Variants in DCLK2 observed in about 807,000 individuals in gnomAD.
DCLK2 encodes the protein doublecortin like kinase 2, also known as serine/threonine-protein kinase DCLK2.
DCLK2 carries 31 observed loss-of-function variants against 78.4 expected under a neutral mutation model. The ratio of observed to expected loss-of-function variants is 0.40; its 90% CI spans 0.30 to 0.53. The LOEUF (loss-of-function observed/expected upper bound fraction) is 0.53. DCLK2 is among the 20% of genes least tolerant of loss of function. The probability of loss-of-function intolerance (pLI) is 0.61; values close to 1 mark genes in which losing one functional copy is unlikely to be tolerated. For synonymous variants in DCLK2, 407 were observed against 374.9 expected, an observed-to-expected ratio of 1.09 and a Z score of -0.99; for missense variants, 872 against 973.7, an observed-to-expected ratio of 0.90 and a Z score of 1.39.
intron 15 of DCLK2, chr4:150,253,296 T>A (rs1247041972): frequency 1.6e-6 from 1 of 635,092 alleles, no homozygotes. Flanking sequence ...GTCAACCGTC[T>A]GGAGGTTGAA....
Position 150,239,601 on chromosome 4 carries a change from C to A in DCLK2, c.1567-141C>A, listed in dbSNP as rs560496598. 1,626 of 951,796 alleles carry A rather than the reference C, an allele frequency of 1.7e-3. 25 individuals are homozygous for A. The South Asian group carries it at 0.03, about 18-fold the overall frequency. 59.0% of individuals were successfully genotyped at this position (951,796 alleles called of 1,614,324 possible). ...GGGCAACAAAGCGAGACCGTGTCTT[C>A]AAAAAAAAAAATCACAAGGAGAGAT... On this transcript the variant is annotated intron_variant, in intron 10 of 15. Transcript: ENST00000296550.
intron 2 of DCLK2, among the ~76,000 whole-genome samples, chr4:150,142,255 A>G (rs1003541529): frequency 3.3e-5 from 5 of 152,100 alleles, no homozygotes; most frequent in African/African-American, 1.2e-4. Context: ...ATCTGTCATC[A>G]TTATGTATAT....
intron 5 of DCLK2, among the ~76,000 whole-genome samples, chr4:150,207,217 G>A (rs922127146): frequency 1.3e-5 from 2 of 152,110 alleles, no homozygotes; most frequent in African/African-American, 4.8e-5. Context: ...ACCAAGCCAC[G>A]ACAGCATGTG....
At chr4:150,132,062 G>T (rs1733351700) in intron 2 of DCLK2, among the ~76,000 whole-genome samples, 1 of 152,152 alleles carries the variant, frequency 6.6e-6, no homozygotes, top group South Asian at 2.1e-4. Flanking sequence ...ATAAGCTGTG[G>T]TATCCTTGTG....
intron 8 of DCLK2, among the ~76,000 whole-genome samples, chr4:150,226,174 ATCT>A (rs1428498626): frequency 2.0e-5 from 3 of 151,638 alleles, no homozygotes; most frequent in African/African-American, 4.8e-5. Flanking sequence ...GTTTAGAAAA[ATCT>A]TCTCAGAACT....
At chr4:150,111,458 C>T (rs1443834594) in intron 2 of DCLK2, among the ~76,000 whole-genome samples, 3 of 152,086 alleles carry the variant, frequency 2.0e-5, no homozygotes, top group Non-Finnish European at 4.4e-5. Flanking sequence ...ATTGCTTTTG[C>T]TGTGCAGAAG....
intron 2 of DCLK2, among the ~76,000 whole-genome samples, chr4:150,188,362 G>C (rs1274693729): frequency 3.3e-5 from 5 of 152,132 alleles, no homozygotes; most frequent in Non-Finnish European, 5.9e-5. Flanking sequence ...GTAGTCCCTG[G>C]AAGGCTGAGG....
intron 2 of DCLK2, among the ~76,000 whole-genome samples, chr4:150,119,039 A>AATTAT: frequency 8.7e-6 from 1 of 115,268 alleles, no homozygotes; most frequent in South Asian, 2.4e-4. Flanking sequence ...AAATAACAAT[A>AATTAT]ATAATATAAT....
intron 1 of DCLK2, among the ~76,000 whole-genome samples, chr4:150,081,830 TAAAAA>T (rs144505113): frequency 0.46 from 65,784 of 143,108 alleles, 15,196 homozygotes; most frequent in Non-Finnish European, 0.52. Context: ...CATCTCTACT[TAAAAA>T]AAAAAAAAAA....
chr4:150,161,185 A>G (rs1023383182), intron 2 of DCLK2, among the ~76,000 whole-genome samples: 1 of 152,348 alleles, frequency 6.6e-6, no homozygotes, highest in East Asian at 1.9e-4. Flanking sequence ...GTGAGGAAGC[A>G]TCTCTTTTGT....
At chr4:150,250,109 T>C (rs1189893179) in intron 15 of DCLK2, among the ~76,000 whole-genome samples, 1 of 152,178 alleles carries the variant, frequency 6.6e-6, no homozygotes, top group Non-Finnish European at 1.5e-5. Flanking sequence ...CAGCCAAAGC[T>C]AAACATATTT....
chr4:150,218,012 C>T (rs978739199), intron 5 of DCLK2, among the ~76,000 whole-genome samples: 3 of 152,286 alleles, frequency 2.0e-5, no homozygotes, highest in Non-Finnish European at 4.4e-5. Context: ...AGTGGCCCTT[C>T]GCTTGGCCCC....
At chr4:150,110,730 A>G (rs1246074126) in intron 2 of DCLK2, among the ~76,000 whole-genome samples, 1 of 152,136 alleles carries the variant, frequency 6.6e-6, no homozygotes, top group East Asian at 1.9e-4. Context: ...GTGAGAAAAT[A>G]CACTATTTGG....
At chr4:150,229,804 T>C (rs1235985858) in intron 8 of DCLK2, among the ~76,000 whole-genome samples, 3 of 152,156 alleles carry the variant, frequency 2.0e-5, no homozygotes, top group Non-Finnish European at 2.9e-5. Flanking sequence ...ATGAATCACT[T>C]AACATATATA....
intron 5 of DCLK2, among the ~76,000 whole-genome samples, chr4:150,216,598 C>T (rs989497873): frequency 2.6e-5 from 4 of 152,030 alleles, no homozygotes; most frequent in Admixed American, 2.0e-4. Flanking sequence ...GAGATTGTGC[C>T]GCTACACTCC....
At position 150,220,783 on chromosome 4, in the gene DCLK2, T is replaced by C. The variant is rs1255200241; in HGVS notation, c.1132+5T>C. The C allele has an allele frequency of 9.3e-6, 15 of 1,610,956 alleles. No individual in the cohort carries two copies. The highest frequency in any genetic ancestry group is 1.2e-5 in the Non-Finnish European group (14 of 1,177,640). ...ACCGTTGCATAAGTCCTGAAGGTAGTTCTCAGTCTGATCATTACTTTGATA... is the reference window on the plus strand; with the variant it reads ...ACCGTTGCATAAGTCCTGAAGGTAGCTCTCAGTCTGATCATTACTTTGATA... On this transcript the variant is annotated splice_donor_5th_base_variant and intron_variant, in intron 6 of 15. Coordinates refer to ENST00000296550, the MANE Select transcript of DCLK2 (RefSeq NM_001040260.4).
chr4:150,098,568 A>ATGGGTGAAT (rs1369339439), intron 1 of DCLK2, among the ~76,000 whole-genome samples: 3 of 152,114 alleles, frequency 2.0e-5, no homozygotes, highest in Non-Finnish European at 4.4e-5. Context: ...TTATGGTTAC[A>ATGGGTGAAT]TGGGTGAATT....
intron 1 of DCLK2, among the ~76,000 whole-genome samples, chr4:150,082,098 G>A (rs994431322): frequency 2.6e-5 from 4 of 151,902 alleles, no homozygotes; most frequent in African/African-American, 9.7e-5. Context: ...AATTAAAATT[G>A]TGTGCTCAGA....
At position 150,192,993 on chromosome 4, in the gene DCLK2, A is replaced by C. The variant is rs577330910; in HGVS notation, c.757-145A>C. ...TGTGTAAAAGTGCTTTGTGAAGGTAAAGTGCTTAGAAACGTAGTTATATTA... is the reference window on the plus strand; with the variant it reads ...TGTGTAAAAGTGCTTTGTGAAGGTACAGTGCTTAGAAACGTAGTTATATTA... On this transcript the variant is annotated intron_variant, in intron 2 of 15. Coordinates refer to ENST00000296550, the MANE Select transcript of DCLK2 (RefSeq NM_001040260.4). The C allele has an allele frequency of 2.8e-5, 15 of 529,528 alleles. No homozygotes were observed. The African/African-American group carries it at 2.8e-4, about 10-fold the overall frequency. The allele number at this position is 529,528 out of a possible 1,614,324, so 32.8% of individuals were successfully genotyped here.
Sources: allele counts gnomAD v4.1 joint callset (sites outside exome capture counted in the v4.1 genomes callset), GRCh38; gene constraint gnomAD v4.1.1; transcripts MANE v1.5; gene names NCBI Gene and HGNC (gene_info 2026-07-23, HGNC 2026-07-21).